The following FGD2 variants were observed in gnomAD, a reference collection of about 807,000 sequenced individuals.
FGD2 encodes FYVE, RhoGEF and PH domain-containing protein 2.
FGD2 carries 52 observed loss-of-function variants against 75.9 expected under a neutral mutation model. The ratio of observed to expected loss-of-function variants is 0.69; its 90% CI spans 0.55 to 0.86. FGD2 has a LOEUF of 0.86. Among genes scored for constraint, FGD2 ranks in the 40% least tolerant of loss-of-function variants. The pLI is 0.00. For missense variants in FGD2, 790 were observed against 872.0 expected (o/e 0.91, Z 1.18); for synonymous variants, 347 against 348.6 (o/e 1.00, Z 0.05).
At chr6:37,027,085 C>T (rs1344148075) in intron 14 of FGD2, among the ~76,000 whole-genome samples, 1 of 152,214 alleles carries the variant, frequency 6.6e-6, no homozygotes, top group Non-Finnish European at 1.5e-5. Context: ...GGCCCAGGAC[C>T]CCCTGACCAC....
intron 14 of FGD2, chr6:37,026,271 G>A (rs1765818500): frequency 6.1e-6 from 6 of 985,318 alleles, no homozygotes; most frequent in African/African-American, 1.7e-5. Flanking sequence ...GTCCCAGGGT[G>A]CCAAGAGCTG....
rs993597621 is a variant in FGD2, at chr6:37,029,038, T to A, written c.*875T>A. On this transcript the variant is annotated 3_prime_UTR_variant, in exon 16 of 16. Transcript: ENST00000274963. ...TGTCAAGTGCCAGTCATGATAGTAG[T>A]AATAATAATAATAAACATCTATTGG... 3 of 151,878 alleles carry A rather than the reference T, an allele frequency of 2.0e-5. No homozygotes were observed. The highest frequency in any genetic ancestry group is 7.3e-5 in the African/African-American group (3 of 41,320). 9.4% of individuals were successfully genotyped at this position (151,878 alleles called of 1,614,324 possible).
rs757415522 is a variant in FGD2 at position 37,014,860 on chromosome 6, G to A, written c.883-32G>A. 6.2e-6 allele frequency: 10 copies of A among 1,611,574 alleles called. 1 individual carries two copies. The South Asian group carries it at 1.1e-4, about 18-fold the overall frequency. ...TCCAGAAGCAGGTGAGCCCTGCCCA[G>A]ACTTGGCTGAGGATGCACCCCAACC... On this transcript the variant is annotated intron_variant, in intron 7 of 15. Transcript: ENST00000274963.
At chr6:37,013,393 C>T in intron 4 of FGD2, 1 of 1,357,888 alleles carries the variant, frequency 7.4e-7, no homozygotes. Context: ...GTGGATGAGG[C>T]CAACCTGGGA....
Position 37,010,959 on chromosome 6 carries a change from C to G in FGD2, c.301-14C>G. 6.2e-7 allele frequency: 1 copy of G among 1,613,984 alleles called. No homozygotes were observed. Among genetic ancestry groups the G allele is most frequent in the Non-Finnish European group, 8.5e-7 (1 of 1,179,840 alleles). ...CCCCCTTTTTCTCCTTCTCTCCCCTCCAATCCTCCGCAGGAGCCAGAGAAG... is the reference window on the plus strand; with the variant it reads ...CCCCCTTTTTCTCCTTCTCTCCCCTGCAATCCTCCGCAGGAGCCAGAGAAG... On this transcript the variant is annotated splice_polypyrimidine_tract_variant and intron_variant, in intron 2 of 15. Transcript: ENST00000274963.
Position 37,005,822 on chromosome 6 carries a change from AG to A in FGD2, c.10del (p.Ala4GlnfsTer31). On this transcript the variant is annotated frameshift_variant, in exon 1 of 16. Coordinates refer to ENST00000274963, the MANE Select transcript of FGD2 (RefSeq NM_173558.4). LOFTEE classifies it high-confidence loss of function. M[K>X]GASEEKLASV... ...TCCACCCCGGAAACCGGCAGGATGAAGGGGGCAAGTGAGGAGAAGCTGGCAT... is the reference window on the plus strand; with the variant it reads ...TCCACCCCGGAAACCGGCAGGATGAAGGGGCAAGTGAGGAGAAGCTGGCAT... 3 of 1,613,586 alleles carry A rather than the reference AG, an allele frequency of 1.9e-6. No homozygotes were observed. Among genetic ancestry groups the A allele is most frequent in the Non-Finnish European group, 2.5e-6 (3 of 1,179,794 alleles).
At chr6:37,014,506 G>A (rs981794673) in intron 6 of FGD2, 140 bp from the exon 7 acceptor site, 3 of 935,990 alleles carry the variant, frequency 3.2e-6, no homozygotes, top group Non-Finnish European at 4.8e-6. Context: ...GACACCCCAT[G>A]GCTGGGCTGC....
Position 37,028,171 on chromosome 6 carries a change from C to A in FGD2, c.*8C>A. On this transcript the variant is annotated 3_prime_UTR_variant, in exon 16 of 16. Transcript: ENST00000274963. ...GGGGACCTGTCCGACTGAGCCACTG[C>A]CAGCCGCTCTCCTGCCCACCTCTCC... 6.5e-7 allele frequency: 1 copy of A among 1,550,102 alleles called. No homozygotes were observed.
At chr6:37,025,705 C>G (rs1401998098) in intron 13 of FGD2, 87 bp from the exon 14 acceptor site, 1 of 1,489,246 alleles carries the variant, frequency 6.7e-7, no homozygotes, top group East Asian at 2.3e-5. Context: ...CCTGGTTGCT[C>G]TCATGCCCCC....
Position 37,022,308 on chromosome 6 carries a change from C to T in FGD2, c.1396C>T (p.Arg466Cys), listed in dbSNP as rs569019697. The change falls in exon 13 of 16, where the codon CGC becomes TGC. Residue 466 changes from arginine to cysteine, a missense_variant. Coordinates refer to ENST00000274963, the MANE Select transcript of FGD2 (RefSeq NM_173558.4). ...GGACAAGATGGTGACCATGTGCATGCGCTGCCAGGAGCCCTTCAACGCTCT... is the reference window on the plus strand; with the variant it reads ...GGACAAGATGGTGACCATGTGCATGTGCTGCCAGGAGCCCTTCAACGCTCT... Reference protein sequence around the residue: ...VRDKMVTMCMRCQEPFNALTR... With the variant: ...VRDKMVTMCMCCQEPFNALTR... 193 of 1,588,474 alleles carry T rather than the reference C, an allele frequency of 1.2e-4. No homozygotes were observed. In the East Asian group the frequency reaches 3.1e-3, roughly 26 times the overall value.
At chr6:37,011,893 G>T (rs58465444) in intron 4 of FGD2, 39 bp downstream of exon 4, 3 of 1,600,206 alleles carry the variant, frequency 1.9e-6, no homozygotes, top group African/African-American at 2.7e-5. Context: ...TCAGACCACA[G>T]CCCTGGCCAG....
At chr6:37,012,297 T>C (rs374925044) in intron 4 of FGD2, among the ~76,000 whole-genome samples, 7 of 152,244 alleles carry the variant, frequency 4.6e-5, no homozygotes, top group African/African-American at 1.7e-4. Flanking sequence ...TTGCCTTATA[T>C]AGTTTGCCAC....
Position 37,028,089 on chromosome 6 carries a change from T to G in FGD2, c.1894T>G (p.Trp632Gly), listed in dbSNP as rs1207068733. 5 of 1,613,404 alleles carry G rather than the reference T, an allele frequency of 3.1e-6. No homozygotes were observed. The African/African-American group carries it at 5.3e-5, about 17-fold the overall frequency. ...KAETEELKGR[W>G]VKAMERAASG... The stretch of plus-strand genomic sequence containing the variant: ...CGAGACGGAGGAGCTGAAGGGCCGC[T>G]GGGTGAAGGCCATGGAGCGGGCGGC... Residue 632 changes from tryptophan (W) to glycine (G), a missense_variant, in exon 16 of 16, where the codon TGG (tryptophan) becomes GGG (glycine). Transcript: ENST00000274963.
intron 9 of FGD2, among the ~76,000 whole-genome samples, chr6:37,018,104 G>A (rs768803079): frequency 1.3e-5 from 2 of 152,172 alleles, no homozygotes; most frequent in Non-Finnish European, 2.9e-5. Flanking sequence ...AAATGGAGAC[G>A]GGTGGCCCTG....
chr6:37,014,842 G>A, intron 7 of FGD2, 50 bp from the exon 8 acceptor site: 1 of 1,610,110 alleles, frequency 6.2e-7, no homozygotes, highest in Non-Finnish European at 8.5e-7. Context: ...CCTTCCAGAA[G>A]CAGGTGAGCC....
intron 4 of FGD2, 107 bp from the exon 5 acceptor site, chr6:37,013,502 G>A (rs1432489726): frequency 1.9e-5 from 28 of 1,508,088 alleles, no homozygotes; most frequent in South Asian, 6.7e-5. Context: ...CAGAATTGCC[G>A]TGGAAAGTTT....
intron 9 of FGD2, 116 bp downstream of exon 9, chr6:37,015,976 G>T (rs1362826370): frequency 1.3e-5 from 12 of 912,052 alleles, no homozygotes; most frequent in Non-Finnish European, 1.8e-5. Flanking sequence ...TGCAGGGCCT[G>T]GGCAAACATG....
At chr6:37,024,856 T>C in intron 13 of FGD2, 1 of 152,356 alleles carries the variant, frequency 6.6e-6, no homozygotes, top group Non-Finnish European at 1.5e-5. Context: ...CAGACGGGAA[T>C]CCTTGTGAGG....
chr6:37,009,084 A>G lies in FGD2; in HGVS notation c.300+19A>G. 1 of 1,610,754 alleles carries G rather than the reference A, an allele frequency of 6.2e-7. No individual in the cohort carries two copies. The highest frequency in any genetic ancestry group is 1.3e-5 in the African/African-American group (1 of 74,990). On this transcript the variant is annotated intron_variant, in intron 2 of 15. Coordinates refer to ENST00000274963, the MANE Select transcript of FGD2 (RefSeq NM_173558.4). Reference sequence around the variant, plus strand: ...GACGCAGGTGCCTGAGGGCTGAGGTAGAGGTGTGGGGTGCTGGGGTGGGGA... The same window carrying G: ...GACGCAGGTGCCTGAGGGCTGAGGTGGAGGTGTGGGGTGCTGGGGTGGGGA...
Sources: gnomAD v4.1 joint callset for allele counts (sites outside exome capture counted in the v4.1 genomes callset) on GRCh38, gnomAD v4.1.1 for gene constraint, MANE v1.5 for transcripts, NCBI Gene and HGNC (gene_info 2026-07-23, HGNC 2026-07-21) for gene names.